ST6GALNAC3: variants seen among roughly 807,000 people sequenced by gnomAD.
ST6GALNAC3 encodes the protein alpha-N-acetylgalactosaminide alpha-2,6-sialyltransferase 3.
ST6GALNAC3 carries 25 observed loss-of-function variants against 32.7 expected under a neutral mutation model. That is an observed-to-expected ratio of 0.76 (90% CI 0.56 to 1.07). ST6GALNAC3 has a LOEUF of 1.07. Among genes scored for constraint, ST6GALNAC3 ranks in the 50% least tolerant of loss-of-function variants. ST6GALNAC3 has a pLI of 0.00. For synonymous variants in ST6GALNAC3, 129 were observed against 133.1 expected (o/e 0.97, Z 0.21); for missense variants, 355 against 382.4 (o/e 0.93, Z 0.60).
intron 1 of ST6GALNAC3, among the ~76,000 whole-genome samples, chr1:76,235,367 C>T (rs903387486): frequency 2.0e-5 from 3 of 151,788 alleles, no homozygotes; most frequent in African/African-American, 4.8e-5. Flanking sequence ...ATTAGCCACG[C>T]GTGGTGGTGC....
At chr1:76,297,887 A>T (rs1398509533) in intron 1 of ST6GALNAC3, among the ~76,000 whole-genome samples, 1 of 152,050 alleles carries the variant, frequency 6.6e-6, no homozygotes, top group African/African-American at 2.4e-5. Flanking sequence ...CAAGAGACTA[A>T]CTTCCCGAAG....
chr1:76,123,503 C>T (rs187424619), intron 1 of ST6GALNAC3, among the ~76,000 whole-genome samples: 16 of 151,922 alleles, frequency 1.1e-4, no homozygotes, highest in East Asian at 5.8e-4. Flanking sequence ...CAGAGAGGAG[C>T]GTCCACTCTA....
intron 1 of ST6GALNAC3, among the ~76,000 whole-genome samples, chr1:76,173,428 A>G (rs1456824143): frequency 1.3e-5 from 2 of 152,362 alleles, no homozygotes; most frequent in East Asian, 3.9e-4. Flanking sequence ...GGCATGGGCA[A>G]AGACTTCATG....
intron 3 of ST6GALNAC3, among the ~76,000 whole-genome samples, chr1:76,569,624 G>A (rs1665747498): frequency 6.6e-6 from 1 of 151,982 alleles, no homozygotes; most frequent in African/African-American, 2.4e-5. Context: ...CACGCCCCCA[G>A]TAATTAACTC....
chr1:76,389,974 T>C (rs1279629239), intron 2 of ST6GALNAC3, among the ~76,000 whole-genome samples: 2 of 152,162 alleles, frequency 1.3e-5, no homozygotes, highest in African/African-American at 4.8e-5. Flanking sequence ...GCAAAGTATT[T>C]GCTTTCTTCC....
chr1:76,147,638 C>T (rs12128783), intron 1 of ST6GALNAC3, among the ~76,000 whole-genome samples: 5,360 of 152,242 alleles, frequency 0.035, 136 homozygotes, highest in Non-Finnish European at 0.054. Flanking sequence ...AACGTAAGCT[C>T]CATGAGACTG....
At chr1:76,313,383 A>G (rs950622783) in intron 1 of ST6GALNAC3, among the ~76,000 whole-genome samples, 7 of 152,156 alleles carry the variant, frequency 4.6e-5, no homozygotes, top group African/African-American at 1.7e-4. Flanking sequence ...GTACAACAAT[A>G]GAAGTGTCTT....
intron 1 of ST6GALNAC3, chr1:76,310,013 C>T: frequency 2.0e-6 from 1 of 494,668 alleles, no homozygotes; most frequent in South Asian, 1.5e-5. Context: ...ACAGTGGATT[C>T]AGAAAGGCTA....
intron 3 of ST6GALNAC3, among the ~76,000 whole-genome samples, chr1:76,565,155 T>C (rs1665479126): frequency 6.6e-6 from 1 of 152,122 alleles, no homozygotes; most frequent in African/African-American, 2.4e-5. Context: ...TGGGCTCCCA[T>C]TGGGTCAGCA....
intron 1 of ST6GALNAC3, among the ~76,000 whole-genome samples, chr1:76,173,766 C>T (rs1287133946): frequency 1.3e-5 from 2 of 152,088 alleles, no homozygotes; most frequent in African/African-American, 2.4e-5. Context: ...TAGAGAAATG[C>T]AAATCAAAAC....
chr1:76,622,677 T>A (rs1648723869), intron 3 of ST6GALNAC3, among the ~76,000 whole-genome samples: 3 of 151,982 alleles, frequency 2.0e-5, no homozygotes, highest in East Asian at 3.9e-4. Context: ...CTGAGATTGA[T>A]AAACTCTAAT....
intron 2 of ST6GALNAC3, among the ~76,000 whole-genome samples, chr1:76,343,946 G>A (rs1019956750): frequency 1.3e-5 from 2 of 152,138 alleles, no homozygotes; most frequent in African/African-American, 2.4e-5. Context: ...AAAGAGTTGT[G>A]GTATCCACTA....
chr1:76,550,594 G>A (rs1311099243), intron 3 of ST6GALNAC3, among the ~76,000 whole-genome samples: 2 of 152,114 alleles, frequency 1.3e-5, no homozygotes, highest in South Asian at 2.1e-4. Context: ...TAGTAGCCAT[G>A]CTGCTTGAGT....
chr1:76,443,510 T>C (rs924500244), intron 3 of ST6GALNAC3, among the ~76,000 whole-genome samples: 1 of 152,208 alleles, frequency 6.6e-6, no homozygotes, highest in Non-Finnish European at 1.5e-5. Flanking sequence ...GTCTGCAAGA[T>C]GCTATTGCAG....
intron 3 of ST6GALNAC3, among the ~76,000 whole-genome samples, chr1:76,504,266 G>T (rs532001826): frequency 9.2e-5 from 14 of 152,162 alleles, no homozygotes; most frequent in African/African-American, 3.1e-4. Flanking sequence ...TTCTTCACAT[G>T]GAATTTCCCT....
chr1:76,414,356 A>G (rs1180833727), intron 3 of ST6GALNAC3, among the ~76,000 whole-genome samples: 2 of 152,084 alleles, frequency 1.3e-5, no homozygotes, highest in Non-Finnish European at 2.9e-5. Context: ...TACTCCAACC[A>G]GACAAGAGAA....
At chr1:76,302,656 C>T (rs1325305551) in intron 1 of ST6GALNAC3, among the ~76,000 whole-genome samples, 6 of 151,924 alleles carry the variant, frequency 3.9e-5, no homozygotes, top group South Asian at 2.1e-4. Context: ...TTTTTATATG[C>T]GATAACTCAT....
intron 2 of ST6GALNAC3, among the ~76,000 whole-genome samples, chr1:76,387,896 A>T (rs1652220676): frequency 1.3e-5 from 2 of 152,270 alleles, no homozygotes; most frequent in South Asian, 2.1e-4. Context: ...ACTGAAAAAA[A>T]ATCTTTAACA....
intron 3 of ST6GALNAC3, among the ~76,000 whole-genome samples, chr1:76,609,849 G>C (rs1047125902): frequency 6.6e-6 from 1 of 152,082 alleles, no homozygotes; most frequent in Non-Finnish European, 1.5e-5. Context: ...CACTTGAGAA[G>C]TGTTATATTA....
Sources: allele counts gnomAD v4.1 joint callset (sites outside exome capture counted in the v4.1 genomes callset), GRCh38; gene constraint gnomAD v4.1.1; transcripts MANE v1.5; gene names NCBI Gene and HGNC (gene_info 2026-07-23, HGNC 2026-07-21).